Variants in OPCML observed in about 807,000 individuals in gnomAD.
OPCML encodes the protein opioid-binding protein/cell adhesion molecule.
OPCML carries 13 observed loss-of-function variants against 37.8 expected under a neutral mutation model. That is an observed-to-expected ratio of 0.34 (90% CI 0.22 to 0.55). OPCML has a LOEUF of 0.55. Among genes scored for constraint, OPCML ranks in the 20% least tolerant of loss-of-function variants. OPCML has a pLI of 0.91. For synonymous variants in OPCML, 176 were observed against 168.8 expected (o/e 1.04, Z -0.33); for missense variants, 341 against 435.6 (o/e 0.78, Z 1.93).
intron 4 of OPCML, among the ~76,000 whole-genome samples, chr11:132,468,275 C>T (rs143526891): frequency 2.0e-5 from 3 of 152,308 alleles, no homozygotes; most frequent in Non-Finnish European, 4.4e-5. Flanking sequence ...TACACCTCTC[C>T]TTCCCTCTGC....
chr11:132,665,337 G>T (rs1448813280), intron 2 of OPCML, among the ~76,000 whole-genome samples: 1 of 152,174 alleles, frequency 6.6e-6, no homozygotes, highest in Non-Finnish European at 1.5e-5. Flanking sequence ...ATTGTGTCCT[G>T]ACGCAAACAA....
At chr11:132,682,772 C>A (rs1943008559) in intron 2 of OPCML, among the ~76,000 whole-genome samples, 1 of 152,202 alleles carries the variant, frequency 6.6e-6, no homozygotes, top group Non-Finnish European at 1.5e-5. Context: ...AGATCTTTCT[C>A]CCGTTACATA....
At chr11:133,359,208 T>A (rs1944359909) in intron 1 of OPCML, among the ~76,000 whole-genome samples, 1 of 152,186 alleles carries the variant, frequency 6.6e-6, no homozygotes, top group Admixed American at 6.5e-5. Context: ...TCCTCTGAGA[T>A]CCAGGCTTTT....
intron 1 of OPCML, among the ~76,000 whole-genome samples, chr11:133,133,500 G>C (rs995679661): frequency 1.3e-5 from 2 of 151,842 alleles, no homozygotes; most frequent in African/African-American, 4.8e-5. Flanking sequence ...TCCTCTCCTT[G>C]CCCCCTGGGC....
At chr11:133,297,959 C>G (rs553381498) in intron 1 of OPCML, 1 of 152,016 alleles carries the variant, frequency 6.6e-6, no homozygotes, top group Admixed American at 6.6e-5. Context: ...CTACTGTTCC[C>G]TCCTCCCCTT....
intron 1 of OPCML, among the ~76,000 whole-genome samples, chr11:133,436,364 C>A (rs192636737): frequency 1.5e-4 from 23 of 152,200 alleles, no homozygotes; most frequent in African/African-American, 5.1e-4. Context: ...GGTAAGGAAC[C>A]GGGTGGCCAT....
intron 1 of OPCML, among the ~76,000 whole-genome samples, chr11:133,516,820 G>A (rs1948286388): frequency 6.6e-6 from 1 of 152,168 alleles, no homozygotes. Context: ...TTTCCCTTCA[G>A]TGGTCTTTTT....
At chr11:132,944,621 A>T (rs1945702583) in intron 1 of OPCML, among the ~76,000 whole-genome samples, 2 of 152,242 alleles carry the variant, frequency 1.3e-5, no homozygotes. Flanking sequence ...GATCCTAAAA[A>T]GTAGTAGGAC....
chr11:132,718,739 T>C (rs1486491120), intron 2 of OPCML, among the ~76,000 whole-genome samples: 2 of 152,086 alleles, frequency 1.3e-5, no homozygotes, highest in Non-Finnish European at 2.9e-5. Context: ...CACAAACACG[T>C]CCTTACTAAA....
At chr11:133,102,375 C>A (rs1350676881) in intron 1 of OPCML, among the ~76,000 whole-genome samples, 8 of 152,144 alleles carry the variant, frequency 5.3e-5, no homozygotes, top group African/African-American at 1.4e-4. Flanking sequence ...CTAAACAACT[C>A]CATCAGGGCT....
At chr11:133,436,893 G>C (rs1946245265) in intron 1 of OPCML, among the ~76,000 whole-genome samples, 1 of 152,126 alleles carries the variant, frequency 6.6e-6, no homozygotes, top group Non-Finnish European at 1.5e-5. Context: ...TTTCTATTTT[G>C]ATTCATTTAT....
chr11:133,252,701 C>T (rs1451924972), intron 1 of OPCML, among the ~76,000 whole-genome samples: 3 of 152,202 alleles, frequency 2.0e-5, no homozygotes, highest in African/African-American at 7.2e-5. Flanking sequence ...CCAGTTAGAG[C>T]ATGACAGCCA....
intron 2 of OPCML, among the ~76,000 whole-genome samples, chr11:132,752,752 A>G (rs1945879969): frequency 6.6e-6 from 1 of 151,962 alleles, no homozygotes; most frequent in African/African-American, 2.4e-5. Context: ...AATTGGTGCC[A>G]CAATTACAGC....
chr11:133,035,206 G>A (rs374673445), intron 1 of OPCML, among the ~76,000 whole-genome samples: 19 of 152,294 alleles, frequency 1.2e-4, no homozygotes, highest in Admixed American at 3.9e-4. Context: ...TGTGCCGGGC[G>A]GCTTGCCACC....
At chr11:133,082,619 A>T (rs1284399910) in intron 1 of OPCML, among the ~76,000 whole-genome samples, 2 of 1,496 alleles carry the variant, frequency 1.3e-3, no homozygotes, top group Non-Finnish European at 2.5e-3. Context: ...TTCCCCTCTT[A>T]CTACCCCCGC....
intron 2 of OPCML, among the ~76,000 whole-genome samples, chr11:132,842,916 C>G (rs1250122995): frequency 6.6e-6 from 1 of 152,110 alleles, no homozygotes; most frequent in Non-Finnish European, 1.5e-5. Context: ...CAGTCATCAG[C>G]CTAAGATGCT....
chr11:133,507,232 C>T (rs1306125156), intron 1 of OPCML, among the ~76,000 whole-genome samples: 1 of 152,210 alleles, frequency 6.6e-6, no homozygotes, highest in East Asian at 1.9e-4. Context: ...TGAGAAGACA[C>T]AGCTTCAAAG....
intron 2 of OPCML, among the ~76,000 whole-genome samples, chr11:132,684,032 G>A (rs79239272): frequency 6.6e-6 from 1 of 151,790 alleles, no homozygotes; most frequent in Non-Finnish European, 1.5e-5. Flanking sequence ...ACAGACATTT[G>A]TTACACACCA....
At chr11:132,547,382 A>T (rs1289029103) in intron 3 of OPCML, among the ~76,000 whole-genome samples, 1 of 152,208 alleles carries the variant, frequency 6.6e-6, no homozygotes, top group Non-Finnish European at 1.5e-5. Flanking sequence ...GCATGCAGGC[A>T]TCTTGGAGAA....
Sources: allele counts gnomAD v4.1 joint callset (sites outside exome capture counted in the v4.1 genomes callset), GRCh38; gene constraint gnomAD v4.1.1; transcripts MANE v1.5; gene names NCBI Gene and HGNC (gene_info 2026-07-23, HGNC 2026-07-21).